Variants in PLEKHG1 observed in about 807,000 individuals in gnomAD.
The protein encoded by PLEKHG1 is pleckstrin homology and RhoGEF domain containing G1, also known as pleckstrin homology domain-containing family G member 1.
Under a neutral mutation model 100.8 loss-of-function variants are expected in PLEKHG1, and 44 were observed. The ratio of observed to expected loss-of-function variants is 0.44; its 90% CI spans 0.34 to 0.56. PLEKHG1 has a LOEUF of 0.56. Ranked by LOEUF, PLEKHG1 falls within the 20% of genes least tolerant of loss-of-function variation. The pLI is 0.01. For synonymous variants in PLEKHG1, 640 were observed against 662.5 expected, an observed-to-expected ratio of 0.97 and a Z score of 0.52; for missense variants, 1,545 against 1,720.9, an observed-to-expected ratio of 0.90 and a Z score of 1.81.
intron 3 of PLEKHG1, among the ~76,000 whole-genome samples, chr6:150,669,018 C>G (rs1383784164): frequency 6.6e-6 from 1 of 152,174 alleles, no homozygotes; most frequent in Non-Finnish European, 1.5e-5. Flanking sequence ...TATTTTTAAA[C>G]AGTTTAACTA....
upstream of PLEKHG1, among the ~76,000 whole-genome samples, chr6:150,720,445 T>C (rs1781618414): frequency 6.6e-6 from 1 of 152,220 alleles, no homozygotes; most frequent in African/African-American, 2.4e-5. Flanking sequence ...AAGAAATGCA[T>C]GTACATACCA....
intron 3 of PLEKHG1, among the ~76,000 whole-genome samples, chr6:150,651,501 T>TG (rs1778732523): frequency 6.6e-6 from 1 of 151,976 alleles, no homozygotes; most frequent in African/African-American, 2.4e-5. Context: ...CCTAAAGTAC[T>TG]GGGATTACAG....
chr6:150,757,544 CTG>C (rs1562491769), intron 2 of PLEKHG1, among the ~76,000 whole-genome samples: 5 of 150,534 alleles, frequency 3.3e-5, no homozygotes. Flanking sequence ...CCCAGATTGT[CTG>C]TGGTGCACAC....
intron 2 of PLEKHG1, among the ~76,000 whole-genome samples, chr6:150,760,358 A>T (rs1455669852): frequency 6.6e-6 from 1 of 152,226 alleles, no homozygotes; most frequent in Non-Finnish European, 1.5e-5. Context: ...AGTTTAAAAA[A>T]GAAATAAAAA....
At chr6:150,725,660 G>A (rs966608728) in intron 1 of PLEKHG1, among the ~76,000 whole-genome samples, 3 of 151,846 alleles carry the variant, frequency 2.0e-5, no homozygotes, top group Non-Finnish European at 4.4e-5. Context: ...AGTCTCACTT[G>A]TCTGTTTTTG....
intron 6 of PLEKHG1, among the ~76,000 whole-genome samples, chr6:150,802,589 C>T (rs1786775030): frequency 6.6e-6 from 1 of 151,650 alleles, no homozygotes; most frequent in East Asian, 1.9e-4. Context: ...TAATCCAAAA[C>T]TAACTTCTGG....
At chr6:150,605,103 G>A (rs1376341986) in intron 1 of PLEKHG1, among the ~76,000 whole-genome samples, 2 of 152,152 alleles carry the variant, frequency 1.3e-5, no homozygotes, top group Non-Finnish European at 2.9e-5. Flanking sequence ...CCATCTCTAT[G>A]TTTGCACAGG....
chr6:150,782,576 A>G (rs914709740), intron 3 of PLEKHG1, among the ~76,000 whole-genome samples: 1 of 152,162 alleles, frequency 6.6e-6, no homozygotes, highest in Admixed American at 6.5e-5. Context: ...TTTTCCAGTG[A>G]CATATCTGTG....
At chr6:150,614,406 A>G (rs1457112597) in intron 1 of PLEKHG1, among the ~76,000 whole-genome samples, 1 of 152,198 alleles carries the variant, frequency 6.6e-6, no homozygotes, top group Non-Finnish European at 1.5e-5. Flanking sequence ...AAAATGGGAG[A>G]TAATTATAAC....
intron 3 of PLEKHG1, chr6:150,662,852 G>A (rs956192272): frequency 6.6e-6 from 1 of 152,170 alleles, no homozygotes; most frequent in African/African-American, 2.4e-5. Flanking sequence ...TACACCTCGA[G>A]ACAAGTGTCA....
intron 2 of PLEKHG1, among the ~76,000 whole-genome samples, chr6:150,763,583 G>T (rs951041310): frequency 6.6e-6 from 1 of 152,154 alleles, no homozygotes; most frequent in Non-Finnish European, 1.5e-5. Flanking sequence ...AGTCCAGGGG[G>T]TACCAAACCT....
At chr6:150,607,370 G>A (rs1222155345) in intron 1 of PLEKHG1, among the ~76,000 whole-genome samples, 4 of 152,152 alleles carry the variant, frequency 2.6e-5, no homozygotes, top group Non-Finnish European at 5.9e-5. Flanking sequence ...ACTGACATCT[G>A]CACTTCTCTG....
chr6:150,767,084 C>A (rs375920500), intron 2 of PLEKHG1, among the ~76,000 whole-genome samples: 1 of 152,182 alleles, frequency 6.6e-6, no homozygotes, highest in African/African-American at 2.4e-5. Flanking sequence ...TTAGTCCATC[C>A]TTTTGGACCA....
intron 3 of PLEKHG1, among the ~76,000 whole-genome samples, chr6:150,770,692 A>G (rs2128641025): frequency 6.6e-6 from 1 of 152,368 alleles, no homozygotes; most frequent in South Asian, 2.1e-4. Flanking sequence ...CAGAGTCTAC[A>G]TGTTCATTAG....
At chr6:150,723,238 AC>A (rs11300381) in intron 1 of PLEKHG1, among the ~76,000 whole-genome samples, 136,327 of 152,108 alleles carry the variant, frequency 0.9, 61,322 homozygotes, top group Non-Finnish European at 0.93. Context: ...ATCAGTACAA[AC>A]CCCGGGGGGT....
At chr6:150,799,526 G>A (rs1346958081) in intron 5 of PLEKHG1, among the ~76,000 whole-genome samples, 1 of 152,122 alleles carries the variant, frequency 6.6e-6, no homozygotes, top group African/African-American at 2.4e-5. Flanking sequence ...CTAATTTGTT[G>A]CAGGTTCTTA....
intron 3 of PLEKHG1, among the ~76,000 whole-genome samples, chr6:150,776,894 T>C (rs1379537859): frequency 1.3e-5 from 2 of 148,826 alleles, no homozygotes; most frequent in East Asian, 2.0e-4. Flanking sequence ...TGCACATTAC[T>C]CACACTGATG....
intron 3 of PLEKHG1, among the ~76,000 whole-genome samples, chr6:150,674,353 C>T (rs1462953008): frequency 6.6e-6 from 1 of 152,126 alleles, no homozygotes; most frequent in African/African-American, 2.4e-5. Flanking sequence ...AACTTTTCAT[C>T]TCTTAAGGAA....
At chr6:150,731,600 C>G (rs1454906351) in intron 1 of PLEKHG1, among the ~76,000 whole-genome samples, 2 of 152,120 alleles carry the variant, frequency 1.3e-5, no homozygotes, top group Non-Finnish European at 2.9e-5. Flanking sequence ...ATGATCATTA[C>G]TATGTATTCT....
Sources: allele counts gnomAD v4.1 joint callset (sites outside exome capture counted in the v4.1 genomes callset), GRCh38; gene constraint gnomAD v4.1.1; transcripts MANE v1.5; gene names NCBI Gene and HGNC (gene_info 2026-07-23, HGNC 2026-07-21).